The following SEMA3A variants were observed in gnomAD, a reference collection of about 807,000 sequenced individuals.
SEMA3A encodes semaphorin 3A.
Under a neutral mutation model 97.9 loss-of-function variants are expected in SEMA3A, and 29 were observed. The ratio of observed to expected loss-of-function variants is 0.30; its 90% confidence interval spans 0.22 to 0.40. The LOEUF is 0.40. Among genes scored for constraint, SEMA3A ranks in the 10% least tolerant of loss-of-function variants. The pLI is 1.00. For missense variants in SEMA3A, 763 were observed against 951.3 expected (o/e 0.80, Z 2.60); for synonymous variants, 321 against 323.7 (o/e 0.99, Z 0.09).
chr7:84,170,398 G>C (rs1232210376), intron 1 of SEMA3A, among the ~76,000 whole-genome samples: 1 of 151,942 alleles, frequency 6.6e-6, no homozygotes, highest in East Asian at 1.9e-4. Flanking sequence ...AATGAGATTT[G>C]AGTCTTTTTC....
chr7:83,988,265 C>T (rs535692775), intron 12 of SEMA3A, among the ~76,000 whole-genome samples: 32 of 152,046 alleles, frequency 2.1e-4, no homozygotes, highest in Non-Finnish European at 3.5e-4. Context: ...CTCGCTCTGT[C>T]GCCGAGGCTG....
intron 4 of SEMA3A, among the ~76,000 whole-genome samples, chr7:84,064,942 T>C (rs1030864394): frequency 1.1e-4 from 16 of 152,212 alleles, no homozygotes; most frequent in African/African-American, 3.9e-4. Context: ...TACAGAACTC[T>C]CCACCCCAAA....
At position 84,194,475 on chromosome 7, in the gene SEMA3A, C is replaced by A; in HGVS notation, c.112G>T (p.Glu38Ter). The A allele has an allele frequency of 6.3e-7, 1 of 1,592,920 alleles. No individual in the cohort carries two copies. Among genetic ancestry groups the A allele is most frequent in the Non-Finnish European group, 8.6e-7 (1 of 1,161,192 alleles). Residue 38 changes from glutamate to a stop codon, truncating the protein, a stop_gained and splice_region_variant, in exon 1 of 17, where the codon GAA (glutamate) becomes TAA (stop). Transcript: ENST00000265362. LOFTEE classifies it high-confidence loss of function. ...NVPRLKLSYK[E>*]MLESNNVITF... Reference sequence around the variant, plus strand: ...CAAATAAAAGAAAAATAAGATTTACCTTTGTAGGATAATTTCAGCCTTGGC... The same window carrying A: ...CAAATAAAAGAAAAATAAGATTTACATTTGTAGGATAATTTCAGCCTTGGC...
chr7:84,465,358 C>T (rs1055763537), intron 1 of SEMA3A, among the ~76,000 whole-genome samples: 2 of 152,072 alleles, frequency 1.3e-5, no homozygotes. Flanking sequence ...TATAATACCT[C>T]ATTTGAATGA....
intron 10 of SEMA3A, among the ~76,000 whole-genome samples, chr7:84,006,340 A>T (rs1390629929): frequency 6.6e-6 from 1 of 152,120 alleles, no homozygotes; most frequent in East Asian, 1.9e-4. Flanking sequence ...ATAATGCTAA[A>T]AAAGTACCAT....
At chr7:84,188,720 TG>T (rs1389199484) in intron 1 of SEMA3A, among the ~76,000 whole-genome samples, 1 of 151,942 alleles carries the variant, frequency 6.6e-6, no homozygotes, top group East Asian at 1.9e-4. Context: ...TTCACTATTT[TG>T]TTTTACATTT....
At chr7:84,353,858 A>AT (rs1802493115) in intron 2 of SEMA3A, among the ~76,000 whole-genome samples, 1 of 151,712 alleles carries the variant, frequency 6.6e-6, no homozygotes, top group South Asian at 2.1e-4. Flanking sequence ...TTAGGTTTAC[A>AT]TTTTTTGTCA....
chr7:83,976,624 CAGTGTAAGGGAATACCCTACT>C (rs1789158735), intron 15 of SEMA3A, among the ~76,000 whole-genome samples: 1 of 151,858 alleles, frequency 6.6e-6, no homozygotes, highest in Non-Finnish European at 1.5e-5. Flanking sequence ...ACAAAATGCC[CAGTGTAAGGGAATACCCTACT>C]AGTAATTCAG....
chr7:84,120,314 T>A (rs1157100778), intron 3 of SEMA3A, among the ~76,000 whole-genome samples: 3 of 152,200 alleles, frequency 2.0e-5, no homozygotes, highest in African/African-American at 7.2e-5. Flanking sequence ...ATTTGCCATG[T>A]ATCTTTTACC....
At chr7:84,329,614 C>A (rs2115942872) in intron 2 of SEMA3A, among the ~76,000 whole-genome samples, 1 of 152,102 alleles carries the variant, frequency 6.6e-6, no homozygotes, top group African/African-American at 2.4e-5. Flanking sequence ...AGAAGAAAGA[C>A]TGAACAATTA....
At chr7:84,125,589 G>A (rs577924138) in intron 3 of SEMA3A, among the ~76,000 whole-genome samples, 286 of 152,258 alleles carry the variant, frequency 1.9e-3, no homozygotes, top group Non-Finnish European at 2.8e-3. Flanking sequence ...ATGATTAAGT[G>A]ATTAAATTAT....
intron 3 of SEMA3A, among the ~76,000 whole-genome samples, chr7:84,297,638 T>C (rs1358385814): frequency 6.6e-6 from 1 of 152,192 alleles, no homozygotes; most frequent in East Asian, 1.9e-4. Context: ...TGCTGCTCTA[T>C]AATTATTTCT....
At chr7:84,258,069 C>A (rs1260585961) in intron 3 of SEMA3A, among the ~76,000 whole-genome samples, 1 of 152,136 alleles carries the variant, frequency 6.6e-6, no homozygotes, top group Non-Finnish European at 1.5e-5. Context: ...TCATTGTCTT[C>A]GTGTTCAAAG....
intron 1 of SEMA3A, among the ~76,000 whole-genome samples, chr7:84,489,504 T>C (rs1806664743): frequency 7.0e-6 from 1 of 143,658 alleles, no homozygotes; most frequent in Non-Finnish European, 1.5e-5. Context: ...TTTCCAGGAA[T>C]TTATTTTGTG....
intron 14 of SEMA3A, among the ~76,000 whole-genome samples, chr7:83,978,824 G>A (rs1789274938): frequency 6.6e-6 from 1 of 152,100 alleles, no homozygotes; most frequent in Non-Finnish European, 1.5e-5. Flanking sequence ...TATAAATCAT[G>A]AGGCTTCTAA....
chr7:84,265,011 G>T (rs1038764736), intron 3 of SEMA3A, among the ~76,000 whole-genome samples: 4 of 152,004 alleles, frequency 2.6e-5, no homozygotes, highest in Non-Finnish European at 5.9e-5. Flanking sequence ...TCTACCAATA[G>T]CACTACCAAT....
chr7:84,040,336 T>C (rs557647316), intron 6 of SEMA3A, among the ~76,000 whole-genome samples: 59 of 151,904 alleles, frequency 3.9e-4, no homozygotes, highest in Non-Finnish European at 6.3e-4. Flanking sequence ...CCCCTGCTGT[T>C]GGGGAGCTCT....
At chr7:84,120,100 C>CA (rs35704820) in intron 3 of SEMA3A, among the ~76,000 whole-genome samples, 354 of 144,730 alleles carry the variant, frequency 2.4e-3, no homozygotes, top group Non-Finnish European at 3.3e-3. Context: ...CTTACTTTAC[C>CA]AAAAAAAAAA....
chr7:84,431,414 G>A (rs1312436834), intron 1 of SEMA3A, among the ~76,000 whole-genome samples: 1 of 151,896 alleles, frequency 6.6e-6, no homozygotes, highest in African/African-American at 2.4e-5. Context: ...GCCTTTTAAA[G>A]CTCTTCTTCT....
Sources: allele counts gnomAD v4.1 joint callset (sites outside exome capture counted in the v4.1 genomes callset), GRCh38; gene constraint gnomAD v4.1.1; transcripts MANE v1.5; gene names NCBI Gene and HGNC (gene_info 2026-07-23, HGNC 2026-07-21).